The following SCGB2A1 variants were observed in gnomAD, a reference collection of about 807,000 sequenced individuals.
SCGB2A1 encodes secretoglobin family 2A member 1, also known as mammaglobin-B.
Under a neutral mutation model 9.2 loss-of-function variants are expected in SCGB2A1, and 6 were observed. The observed-to-expected ratio is 0.66, with a 90% CI of 0.36 to 1.29. SCGB2A1 has a LOEUF of 1.29. Ranked by LOEUF, SCGB2A1 falls within the 50% of genes most tolerant of loss-of-function variation. The pLI is 0.03. For missense variants in SCGB2A1, 138 were observed against 116.9 expected (o/e 1.18, Z -0.83); for synonymous variants, 37 against 41.0 (o/e 0.90, Z 0.37).
rs752131478 is a variant in SCGB2A1 at position 62,212,738 on chromosome 11, C to CTTTGTT, written c.244-977_244-972dup. Among the ~76,000 whole-genome samples the CTTTGTT allele has an allele frequency of 1.2e-3, 181 of 151,820 alleles. 2 individuals are homozygous for CTTTGTT. The highest frequency in any genetic ancestry group is 6.0e-4 in the Non-Finnish European group (41 of 67,920). ...GTGTTTCTTGTTTCCGTTTTTTTGT[C>CTTTGTT]TTTGTTTTTGTTTTTGAGACAGAGT... On this transcript the variant is annotated intron_variant, in intron 2 of 2. Transcript: ENST00000244930.
In SCGB2A1 at chr11:62,213,107, T is replaced by TATATATATATATA. The variant is rs1554985927; in HGVS notation, c.244-619_244-618insATATATATATATA. The stretch of plus-strand genomic sequence containing the variant: ...ATATATACACATATATATATATATA[T>TATATATATATATA]TTTTTTTTTTGTAGAGATGGCATTT... On this transcript the variant is annotated intron_variant, in intron 2 of 2. Transcript: ENST00000244930. 9.7e-4 allele frequency among the ~76,000 whole-genome samples: 11 copies of TATATATATATATA among 11,302 alleles called. No homozygotes were observed. In the South Asian group the frequency reaches 0.045, roughly 47 times the overall value. The allele number at this position is 11,302 out of a possible 152,430, so 7.4% of individuals were successfully genotyped here. A position where few individuals can be genotyped will look rare whatever the true frequency, so the allele number is the denominator to read the frequency against.
At position 62,213,860 on chromosome 11, in the gene SCGB2A1, G is replaced by T; in HGVS notation, c.*90G>T. The T allele has an allele frequency of 9.1e-7, 1 of 1,096,708 alleles. No individual in the cohort carries two copies. The highest frequency in any genetic ancestry group is 2.2e-5 in the Admixed American group (1 of 45,688). 67.9% of individuals were successfully genotyped at this position (1,096,708 alleles called of 1,614,324 possible). A position where few individuals can be genotyped will look rare whatever the true frequency, so the allele number is the denominator to read the frequency against. ...AGAAACCACTTTTCTTTCTTGTGTT[G>T]TCTTTTTATGTGGAAACTGCTAGAC... On this transcript the variant is annotated 3_prime_UTR_variant, in exon 3 of 3. Coordinates refer to ENST00000244930, the MANE Select transcript of SCGB2A1 (RefSeq NM_002407.3).
At chr11:62,208,866 TC>T in intron 1 of SCGB2A1, 80 bp downstream of exon 1, 1 of 1,417,704 alleles carries the variant, frequency 7.1e-7, no homozygotes, top group Non-Finnish European at 9.9e-7. Flanking sequence ...CAACCTCTAA[TC>T]CCCAGCACAG....
At chr11:62,210,808 A>G (rs1405292410) in intron 2 of SCGB2A1, among the ~76,000 whole-genome samples, 1 of 152,178 alleles carries the variant, frequency 6.6e-6, no homozygotes, top group Non-Finnish European at 1.5e-5. Context: ...GAGAAAAGAA[A>G]GCCTTAGAGA....
intron 2 of SCGB2A1, among the ~76,000 whole-genome samples, chr11:62,212,981 C>T (rs954064628): frequency 6.8e-6 from 1 of 147,482 alleles, no homozygotes; most frequent in Non-Finnish European, 1.5e-5. Context: ...CATATATGTG[C>T]ACATATACAT....
intron 2 of SCGB2A1, among the ~76,000 whole-genome samples, chr11:62,213,102 A>ATT (rs1483401146): frequency 1.0e-4 from 4 of 39,898 alleles, no homozygotes; most frequent in African/African-American, 2.2e-4. Context: ...ATATATATAT[A>ATT]TATATTTTTT....
At chr11:62,209,019 A>G (rs1276232507) in intron 1 of SCGB2A1, among the ~76,000 whole-genome samples, 1 of 152,168 alleles carries the variant, frequency 6.6e-6, no homozygotes, top group East Asian at 1.9e-4. Context: ...GCGTCTCACC[A>G]TGGTCACGGT....
At chr11:62,212,956 G>A (rs112880917) in intron 2 of SCGB2A1, among the ~76,000 whole-genome samples, 3 of 83,462 alleles carry the variant, frequency 3.6e-5, no homozygotes, top group African/African-American at 6.0e-5. Context: ...ACACACATAT[G>A]TACACATATG....
At chr11:62,212,915 T>TACACACACAC (rs1258991942) in intron 2 of SCGB2A1, among the ~76,000 whole-genome samples, 16 of 142,842 alleles carry the variant, frequency 1.1e-4, no homozygotes, top group Admixed American at 1.0e-3. Flanking sequence ...TATACATATA[T>TACACACACAC]ATACACACAC....
At position 62,212,932 on chromosome 11, in the gene SCGB2A1, A is replaced by ACACACACATATG. The variant is rs1565121260; in HGVS notation, c.244-794_244-793insCACACACATATG. ...TACATATATATACACACACACATAT[A>ACACACACATATG]TACACACATATGTACACACATATGT... is the stretch of plus-strand genomic sequence containing the variant. On this transcript the variant is annotated intron_variant, in intron 2 of 2. Coordinates refer to ENST00000244930, the MANE Select transcript of SCGB2A1 (RefSeq NM_002407.3). 5.4e-4 allele frequency among the ~76,000 whole-genome samples: 76 copies of ACACACACATATG among 141,126 alleles called. 1 individual carries two copies. The highest frequency in any genetic ancestry group is 1.9e-3 in the African/African-American group (73 of 38,650). The allele number at this position is 141,126 out of a possible 152,430, so 92.6% of individuals were successfully genotyped here. A position where few individuals can be genotyped will look rare whatever the true frequency, so the allele number is the denominator to read the frequency against.
At chr11:62,211,032 G>T (rs1008807459) in intron 2 of SCGB2A1, among the ~76,000 whole-genome samples, 3 of 150,024 alleles carry the variant, frequency 2.0e-5, no homozygotes, top group Admixed American at 6.7e-5. Context: ...CAAGAGATTT[G>T]CCTGCCTCCA....
chr11:62,208,838 C>T, intron 1 of SCGB2A1, 52 bp downstream of exon 1: 1 of 1,580,906 alleles, frequency 6.3e-7, no homozygotes, highest in Non-Finnish European at 8.7e-7. Flanking sequence ...GTCACCTGGG[C>T]CCCTGTAGAA....
chr11:62,213,452 A>G, intron 2 of SCGB2A1: 1 of 367,348 alleles, frequency 2.7e-6, no homozygotes, highest in South Asian at 5.6e-5. Context: ...TTATTGGATA[A>G]GTTATTTCAA....
chr11:62,212,932 A>ACACATATG (rs1565121260), intron 2 of SCGB2A1, among the ~76,000 whole-genome samples: 2 of 141,046 alleles, frequency 1.4e-5, no homozygotes, highest in African/African-American at 2.6e-5. Flanking sequence ...ACACACATAT[A>ACACATATG]TACACACATA....
rs67975205 is a variant in SCGB2A1 at position 62,213,106 on chromosome 11, A to ATATATTT, written c.244-619_244-618insATATTTT. ...CATATATACACATATATATATATAT[A>ATATATTT]TTTTTTTTTTTGTAGAGATGGCATT... On this transcript the variant is annotated intron_variant, in intron 2 of 2. Transcript: ENST00000244930. Among the ~76,000 whole-genome samples the ATATATTT allele has an allele frequency of 3.8e-3, 440 of 116,232 alleles. 32 individuals carry two copies. The highest frequency in any genetic ancestry group is 0.018 in the East Asian group (73 of 4,142). The allele number at this position is 116,232 out of a possible 152,430, so 76.3% of individuals were successfully genotyped here.
At chr11:62,212,428 A>G (rs1944837917) in intron 2 of SCGB2A1, among the ~76,000 whole-genome samples, 1 of 151,360 alleles carries the variant, frequency 6.6e-6, no homozygotes, top group Admixed American at 6.6e-5. Flanking sequence ...TGAGGTCAGG[A>G]GTTCAAGACC....
intron 2 of SCGB2A1, among the ~76,000 whole-genome samples, chr11:62,210,888 TAGACACACAC>T (rs922686577): frequency 6.7e-5 from 10 of 149,902 alleles, no homozygotes; most frequent in African/African-American, 2.4e-4. Flanking sequence ...CACACAAGTA[TAGACACACAC>T]AGACACACGG....
In SCGB2A1 at chr11:62,208,805, G is replaced by A. The variant is rs771623901; in HGVS notation, c.55+19G>A. 1 of 1,611,164 alleles carries A rather than the reference G, an allele frequency of 6.2e-7. No individual in the cohort carries two copies. Among genetic ancestry groups the A allele is most frequent in the East Asian group, 2.2e-5 (1 of 44,846 alleles). ...TATGCAGGTGAGTTCTGGGCAGAGAGGGCTGCTTCTGGGCTAGGAATTGTC... is the reference window on the plus strand; with the variant it reads ...TATGCAGGTGAGTTCTGGGCAGAGAAGGCTGCTTCTGGGCTAGGAATTGTC... On this transcript the variant is annotated intron_variant, in intron 1 of 2. Coordinates refer to ENST00000244930, the MANE Select transcript of SCGB2A1 (RefSeq NM_002407.3).
chr11:62,212,281 G>T (rs912709382), intron 2 of SCGB2A1, among the ~76,000 whole-genome samples: 3 of 151,884 alleles, frequency 2.0e-5, no homozygotes, highest in Non-Finnish European at 2.9e-5. Flanking sequence ...TATATCAAAT[G>T]CTCAAGGATA....
Sources: gnomAD v4.1 joint callset for allele counts (sites outside exome capture counted in the v4.1 genomes callset) on GRCh38, gnomAD v4.1.1 for gene constraint, MANE v1.5 for transcripts, NCBI Gene and HGNC (gene_info 2026-07-23, HGNC 2026-07-21) for gene names.